Variants in TBC1D1 observed in about 807,000 individuals in gnomAD.
TBC1D1 encodes TBC1 domain family member 1, also known as TBC1 (tre-2/USP6, BUB2, cdc16) domain family, member 1.
TBC1D1 carries 89 observed loss-of-function variants against 125.6 expected under a neutral mutation model. The ratio of observed to expected loss-of-function variants is 0.71; its 90% CI spans 0.60 to 0.85. The LOEUF (loss-of-function observed/expected upper bound fraction) is 0.85, where lower values mean the gene tolerates loss of function less well. TBC1D1 is among the 40% of genes least tolerant of loss of function. The probability of loss-of-function intolerance (pLI) is 0.00; values close to 1 mark genes in which losing one functional copy is unlikely to be tolerated. For missense variants in TBC1D1, 1,377 were observed against 1,469.2 expected, an observed-to-expected ratio of 0.94 and a Z score of 1.03; for synonymous variants, 565 against 564.1, an observed-to-expected ratio of 1.00 and a Z score of -0.02.
At chr4:38,121,915 T>C (rs1044733046) in intron 17 of TBC1D1, among the ~76,000 whole-genome samples, 2 of 152,146 alleles carry the variant, frequency 1.3e-5, no homozygotes, top group African/African-American at 2.4e-5. Context: ...TCCCCAAGTG[T>C]CATCAGACAA....
chr4:37,955,455 T>C (rs925210293), intron 2 of TBC1D1, among the ~76,000 whole-genome samples: 3 of 152,218 alleles, frequency 2.0e-5, no homozygotes, highest in African/African-American at 7.2e-5. Context: ...CCCACCCTCC[T>C]ATATACTTTA....
chr4:38,135,886 GTATATA>G (rs202172552), intron 19 of TBC1D1, among the ~76,000 whole-genome samples: 1 of 149,650 alleles, frequency 6.7e-6, no homozygotes, highest in African/African-American at 2.5e-5. Flanking sequence ...GTGTGTGTGT[GTATATA>G]TGTGTGTGTG....
chr4:38,063,353 T>C (rs1358902579), intron 12 of TBC1D1, among the ~76,000 whole-genome samples: 1 of 151,432 alleles, frequency 6.6e-6, no homozygotes, highest in African/African-American at 2.4e-5. Flanking sequence ...GATTACACCC[T>C]GGGGGCCTAT....
At chr4:37,903,286 G>A (rs1716544628) in intron 2 of TBC1D1, among the ~76,000 whole-genome samples, 1 of 152,190 alleles carries the variant, frequency 6.6e-6, no homozygotes, top group African/African-American at 2.4e-5. Flanking sequence ...AGCATTCGTT[G>A]TAGCTCTGGG....
At chr4:37,959,107 G>A (rs891553480) in intron 2 of TBC1D1, among the ~76,000 whole-genome samples, 1 of 152,132 alleles carries the variant, frequency 6.6e-6, no homozygotes, top group Admixed American at 6.5e-5. Context: ...ATGGCCCTTT[G>A]TATTTGAGGT....
intron 8 of TBC1D1, among the ~76,000 whole-genome samples, chr4:38,040,609 AC>A (rs1364574570): frequency 1.3e-5 from 2 of 152,220 alleles, no homozygotes; most frequent in Non-Finnish European, 2.9e-5. Context: ...ATATATCAAA[AC>A]AATTCAGCTT....
intron 2 of TBC1D1, among the ~76,000 whole-genome samples, chr4:37,939,125 A>C (rs1202821900): frequency 6.6e-6 from 1 of 152,226 alleles, no homozygotes; most frequent in Non-Finnish European, 1.5e-5. Flanking sequence ...TGGTTGAACT[A>C]GTTTACAGTC....
chr4:37,915,301 C>T (rs1719491729), intron 2 of TBC1D1, among the ~76,000 whole-genome samples: 1 of 152,162 alleles, frequency 6.6e-6, no homozygotes, highest in South Asian at 2.1e-4. Flanking sequence ...AAAGTACTGG[C>T]TCACATGATT....
At chr4:38,058,290 C>A (rs1393466603) in intron 12 of TBC1D1, among the ~76,000 whole-genome samples, 1 of 152,192 alleles carries the variant, frequency 6.6e-6, no homozygotes, top group Admixed American at 6.5e-5. Context: ...GGTCTGTGAC[C>A]ACTTTGACCC....
chr4:37,962,050 C>T (rs1162479221), intron 2 of TBC1D1, among the ~76,000 whole-genome samples: 1 of 152,224 alleles, frequency 6.6e-6, no homozygotes, highest in Non-Finnish European at 1.5e-5. Flanking sequence ...CATTGCCTGT[C>T]TTCCCAAATA....
chr4:37,913,383 G>T (rs908586653), intron 2 of TBC1D1, among the ~76,000 whole-genome samples: 2 of 152,138 alleles, frequency 1.3e-5, no homozygotes, highest in African/African-American at 4.8e-5. Flanking sequence ...TGGATCACCT[G>T]AGGTCGGGAG....
chr4:38,049,060 A>G (rs1169983506), intron 10 of TBC1D1, among the ~76,000 whole-genome samples: 1 of 152,228 alleles, frequency 6.6e-6, no homozygotes, highest in African/African-American at 2.4e-5. Flanking sequence ...ATTGAGGTGC[A>G]GAAAGAAATT....
intron 19 of TBC1D1, among the ~76,000 whole-genome samples, chr4:38,135,864 G>GTATATATATATGTGTGTGTGTGTA (rs3038258): frequency 6.7e-6 from 1 of 149,798 alleles, no homozygotes; most frequent in African/African-American, 2.5e-5. Context: ...ATGTGTGTGT[G>GTATATATATATGTGTGTGTGTGTA]TATATATATG....
chr4:38,122,379 G>A (rs564169762), intron 17 of TBC1D1, among the ~76,000 whole-genome samples: 10 of 152,294 alleles, frequency 6.6e-5, no homozygotes, highest in South Asian at 4.1e-4. Flanking sequence ...CTGGACCTGC[G>A]TGCCCCCATT....
intron 2 of TBC1D1, among the ~76,000 whole-genome samples, chr4:38,007,544 C>T (rs1740581515): frequency 6.6e-6 from 1 of 152,176 alleles, no homozygotes; most frequent in Non-Finnish European, 1.5e-5. Flanking sequence ...TGAACCACTA[C>T]TCCCTGTCCC....
Position 38,103,140 on chromosome 4 carries a change from C to T in TBC1D1, c.2540C>T (p.Ala847Val), listed in dbSNP as rs781379506. 18 of 1,611,026 alleles carry T rather than the reference C, an allele frequency of 1.1e-5. No homozygotes were observed. The highest frequency in any genetic ancestry group is 1.7e-5 in the Admixed American group (1 of 59,382). Reference sequence around the variant, plus strand: ...AAGCAGCTGACTTCCCAGCAGCATGCGATTCTTATTGACCTTGGTAAGTCT... The same window carrying T: ...AAGCAGCTGACTTCCCAGCAGCATGTGATTCTTATTGACCTTGGTAAGTCT... The change falls in exon 15 of 20, where the codon GCG (alanine) becomes GTG (valine). Residue 847 changes from alanine (A) to valine (V), a missense_variant. Transcript: ENST00000261439.
chr4:37,988,866 CCT>C (rs1735984751), intron 2 of TBC1D1, among the ~76,000 whole-genome samples: 1 of 152,160 alleles, frequency 6.6e-6, no homozygotes, highest in Non-Finnish European at 1.5e-5. Flanking sequence ...ATTACACCTT[CCT>C]CTCTCTGGAA....
chr4:37,991,953 A>G (rs1437939135), intron 2 of TBC1D1, among the ~76,000 whole-genome samples: 1 of 152,246 alleles, frequency 6.6e-6, no homozygotes, highest in East Asian at 1.9e-4. Flanking sequence ...AACCCAAATG[A>G]ACAGAGGCTT....
At chr4:37,919,467 T>G (rs987250182) in intron 2 of TBC1D1, among the ~76,000 whole-genome samples, 7 of 151,684 alleles carry the variant, frequency 4.6e-5, no homozygotes. Flanking sequence ...ATTACAGACA[T>G]AAGCCACCGC....
Sources: allele counts gnomAD v4.1 joint callset (sites outside exome capture counted in the v4.1 genomes callset), GRCh38; gene constraint gnomAD v4.1.1; transcripts MANE v1.5; gene names NCBI Gene and HGNC (gene_info 2026-07-23, HGNC 2026-07-21).